The following USP9Y variants were observed in gnomAD, a reference collection of about 807,000 sequenced individuals.
The protein encoded by USP9Y is ubiquitin specific peptidase 9 Y-linked, also known as ubiquitin carboxyl-terminal hydrolase 9Y.
In USP9Y, 41 loss-of-function variants were observed where a neutral mutation model predicts 53.1. That is an observed-to-expected ratio of 0.77 (90% CI 0.60 to 1.00). USP9Y has a LOEUF of 1.00. USP9Y is among the 50% of genes least tolerant of loss of function. The pLI is 0.00. For synonymous variants in USP9Y, 220 were observed against 173.7 expected, an observed-to-expected ratio of 1.27 and a Z score of -2.09; for missense variants, 567 against 535.8, an observed-to-expected ratio of 1.06 and a Z score of -0.58.
Position 12,709,447 on chromosome Y carries a change from T to C in USP9Y, c.-1T>C. On this transcript the variant is annotated 5_prime_UTR_variant, in exon 3 of 46. Transcript: ENST00000338981. ...GAGCAAAGATCTGTGCTGTGTCAAG[T>C]ATGACAGCCATCACTCATGGCTCTC... The C allele has an allele frequency of 5.1e-6, 2 of 393,886 alleles. No homozygotes were observed. The highest frequency in any genetic ancestry group is 7.2e-6 in the Non-Finnish European group (2 of 279,466).
chrY:12,785,608 C>T (rs2053500889), intron 22 of USP9Y, among the ~76,000 whole-genome samples: 1 of 33,203 alleles, frequency 3.0e-5, no homozygotes, highest in Non-Finnish European at 7.5e-5. Context: ...CTTTACAATC[C>T]TCCCAGTAAG....
chrY:12,719,246 T>A, intron 3 of USP9Y, among the ~76,000 whole-genome samples: 2 of 33,614 alleles, frequency 5.9e-5, no homozygotes, highest in Admixed American at 5.5e-4. Context: ...ATCTCTTTAA[T>A]TATGAGGTGT....
chrY:12,778,951 C>T (rs1031157422), intron 21 of USP9Y, among the ~76,000 whole-genome samples, 196 bp downstream of exon 21: 4 of 32,721 alleles, frequency 1.2e-4, no homozygotes, highest in African/African-American at 3.6e-4. Flanking sequence ...TTATAGCTTA[C>T]GTATGGTATT....
rs772258964 is a variant in USP9Y at position 12,858,880 on chromosome Y, A to T, written c.7531-399A>T. On this transcript the variant is annotated intron_variant, in intron 45 of 45. Coordinates refer to ENST00000338981, the MANE Select transcript of USP9Y (RefSeq NM_004654.4). ...AGGCTTGCATCACTTTGCCCAGCTAAGTTTTTCATTTTTAGTAGAGACAGG... is the reference window on the plus strand; with the variant it reads ...AGGCTTGCATCACTTTGCCCAGCTATGTTTTTCATTTTTAGTAGAGACAGG... Among the ~76,000 whole-genome samples, 3 of 32,556 alleles carry T rather than the reference A, an allele frequency of 9.2e-5. No individual in the cohort carries two copies. The East Asian group carries it at 2.4e-3, about 26-fold the overall frequency. The allele number at this position is 32,556 out of a possible 37,273, so 87.3% of individuals were successfully genotyped here.
Position 12,725,204 on chromosome Y carries a change from T to C in USP9Y, c.417T>C (p.Ser139=), listed in dbSNP as rs200439481. The C allele has an allele frequency of 2.6e-6, 1 of 391,566 alleles. No homozygotes were observed. The highest frequency in any genetic ancestry group is 3.6e-6 in the Non-Finnish European group (1 of 278,637). ...FTKILMDEAV[S]GWKFEIHRCI... is the part of the protein sequence containing the mutation. The stretch of plus-strand genomic sequence containing the variant: ...AAATTCTTATGGATGAGGCTGTGAG[T>C]GGCTGGAAGTTTGAAATTCATGTGA... The change falls in exon 6 of 46, where the codon AGT becomes AGC. Residue 139 remains serine (S), a synonymous_variant. Transcript: ENST00000338981.
chrY:12,852,666 G>T, intron 42 of USP9Y, among the ~76,000 whole-genome samples: 1 of 32,935 alleles, frequency 3.0e-5, no homozygotes, highest in East Asian at 8.0e-4. Context: ...TCTACCTTTG[G>T]TCTCTGATGT....
At chrY:12,813,828 T>C (rs2053533439) in intron 31 of USP9Y, among the ~76,000 whole-genome samples, 1 of 34,038 alleles carries the variant, frequency 2.9e-5, no homozygotes, top group South Asian at 6.5e-4. Context: ...AAGAGTTTCT[T>C]CTTTTGAGAC....
intron 5 of USP9Y, 65 bp from the exon 6 acceptor site, chrY:12,725,048 C>T: frequency 1.9e-5 from 5 of 257,067 alleles, no homozygotes; most frequent in African/African-American, 7.6e-5. Context: ...TAGCAATTTA[C>T]TATGTTTAAT....
chrY:12,852,330 C>T (rs2053571850), intron 42 of USP9Y, among the ~76,000 whole-genome samples: 1 of 33,084 alleles, frequency 3.0e-5, no homozygotes, highest in African/African-American at 1.2e-4. Flanking sequence ...AGCTTGTGCA[C>T]GTGTCCCAAA....
chrY:12,767,257 T>C (rs1048847570), intron 15 of USP9Y, among the ~76,000 whole-genome samples: 1 of 33,406 alleles, frequency 3.0e-5, no homozygotes, highest in Non-Finnish European at 7.4e-5. Flanking sequence ...CCTTGTTATC[T>C]ACCTTTTGCT....
intron 28 of USP9Y, 71 bp downstream of exon 28, chrY:12,810,358 C>T (rs1037798982): frequency 1.5e-5 from 4 of 260,804 alleles, no homozygotes; most frequent in Admixed American, 8.2e-5. Flanking sequence ...AAAGTTACTA[C>T]GATAGCTTTT....
intron 33 of USP9Y, among the ~76,000 whole-genome samples, chrY:12,818,908 G>A: frequency 3.0e-5 from 1 of 33,458 alleles, no homozygotes; most frequent in South Asian, 6.6e-4. Flanking sequence ...AGCCAGGCAC[G>A]GTGGCTCACG....
intron 15 of USP9Y, 150 bp downstream of exon 15, chrY:12,760,767 T>C: frequency 1.7e-5 from 3 of 181,363 alleles, no homozygotes; most frequent in South Asian, 1.5e-4. Flanking sequence ...AGGAATATGA[T>C]CTACTTGGTA....
At chrY:12,705,796 T>A (rs745748946) in intron 1 of USP9Y, among the ~76,000 whole-genome samples, 1 of 33,500 alleles carries the variant, frequency 3.0e-5, no homozygotes, top group South Asian at 6.6e-4. Flanking sequence ...ACTTTGAAGC[T>A]ATGGTTATTC....
rs1027966579 is a variant in USP9Y at position 12,745,360 on chromosome Y, G to A, written c.1422+5731G>A. On this transcript the variant is annotated intron_variant, in intron 12 of 45. Coordinates refer to ENST00000338981, the MANE Select transcript of USP9Y (RefSeq NM_004654.4). ...GGACTTTGAAGCTGAGCCCAGCCAC[G>A]GGTTTGTACCCTCAGATACCTGTGA... is the stretch of plus-strand genomic sequence containing the variant. 8.9e-4 allele frequency among the ~76,000 whole-genome samples: 30 copies of A among 33,630 alleles called. No individual in the cohort carries two copies. In the East Asian group the frequency reaches 0.013, roughly 15 times the overall value. The allele number at this position is 33,630 out of a possible 37,273, so 90.2% of individuals were successfully genotyped here.
At position 12,701,270 on chromosome Y, in the gene USP9Y, G is replaced by A; in HGVS notation, c.-906G>A. 1 of 34,316 alleles carries A rather than the reference G, an allele frequency of 2.9e-5. No individual in the cohort carries two copies. Among genetic ancestry groups the A allele is most frequent in the Non-Finnish European group, 7.3e-5 (1 of 13,758 alleles). The allele number at this position is 34,316 out of a possible 400,897, so 8.6% of individuals were successfully genotyped here. A position where few individuals can be genotyped will look rare whatever the true frequency, so the allele number is the denominator to read the frequency against. The stretch of plus-strand genomic sequence containing the variant: ...TTGTTTATTTCTCCATATTTTTGCA[G>A]TGGTAATTCCATTATAAAACCTAAT... On this transcript the variant is annotated 5_prime_UTR_variant, in exon 1 of 46. It adds an upstream start codon to the 5' untranslated region. Transcript: ENST00000338981.
chrY:12,850,103 A>G (rs2053570530), intron 42 of USP9Y, among the ~76,000 whole-genome samples: 1 of 22,870 alleles, frequency 4.4e-5, no homozygotes, highest in South Asian at 1.2e-3. Flanking sequence ...TAGGCTATTA[A>G]TTAATGCCTC....
At chrY:12,721,368 C>G in intron 4 of USP9Y, among the ~76,000 whole-genome samples, 2 of 32,658 alleles carry the variant, frequency 6.1e-5, no homozygotes, top group Admixed American at 5.6e-4. Flanking sequence ...TTTTTAAAAA[C>G]GAAAAGAGAT....
At chrY:12,771,182 C>CT in intron 16 of USP9Y, 27 bp downstream of exon 16, 4 of 297,546 alleles carry the variant, frequency 1.3e-5, no homozygotes, top group Non-Finnish European at 2.1e-5. Flanking sequence ...CAGTGCTATT[C>CT]TTTTAAGGCA....
Sources: gnomAD v4.1 joint callset for allele counts (sites outside exome capture counted in the v4.1 genomes callset) on GRCh38, gnomAD v4.1.1 for gene constraint, MANE v1.5 for transcripts, NCBI Gene and HGNC (gene_info 2026-07-23, HGNC 2026-07-21) for gene names.